Variants in PHACTR3 observed in about 807,000 individuals in gnomAD.
PHACTR3 encodes the protein protein phosphatase 1, regulatory subunit 123.
In PHACTR3, 16 loss-of-function variants were observed where a neutral mutation model predicts 66.8. The observed-to-expected ratio is 0.24, with a 90% CI of 0.16 to 0.36. The LOEUF is 0.36. PHACTR3 is among the 10% of genes least tolerant of loss of function. The pLI is 1.00. For synonymous variants in PHACTR3, 323 were observed against 292.1 expected (o/e 1.11, Z -1.08); for missense variants, 647 against 719.9 (o/e 0.90, Z 1.16).
intron 1 of PHACTR3, among the ~76,000 whole-genome samples, chr20:59,720,117 A>G (rs2038239677): frequency 6.6e-6 from 1 of 152,158 alleles, no homozygotes; most frequent in Non-Finnish European, 1.5e-5. Context: ...AGGAAGGGGC[A>G]CCGTGACCAG....
intron 1 of PHACTR3, among the ~76,000 whole-genome samples, chr20:59,714,065 C>T (rs1006971308): frequency 6.6e-6 from 1 of 151,808 alleles, no homozygotes; most frequent in Non-Finnish European, 1.5e-5. Flanking sequence ...TTATGAAGTA[C>T]CTGTTGAGTT....
intron 1 of PHACTR3, among the ~76,000 whole-genome samples, chr20:59,717,757 G>A (rs192892372): frequency 6.6e-6 from 1 of 152,166 alleles, no homozygotes; most frequent in Non-Finnish European, 1.5e-5. Flanking sequence ...TAAAGGTGTG[G>A]TTTTTTTGAC....
At chr20:59,745,281 CAG>C (rs1491295025) in intron 2 of PHACTR3, among the ~76,000 whole-genome samples, 5 of 152,190 alleles carry the variant, frequency 3.3e-5, no homozygotes, top group Admixed American at 3.3e-4. Flanking sequence ...TCCGTGACCT[CAG>C]GGGGGTCTCT....
At chr20:59,629,246 G>A (rs1005219737) in intron 1 of PHACTR3, among the ~76,000 whole-genome samples, 1 of 152,190 alleles carries the variant, frequency 6.6e-6, no homozygotes, top group African/African-American at 2.4e-5. Flanking sequence ...CCAGTGGCAG[G>A]GGCAGCCTCC....
intron 1 of PHACTR3, among the ~76,000 whole-genome samples, chr20:59,698,492 A>C (rs974792749): frequency 6.6e-6 from 1 of 152,208 alleles, no homozygotes; most frequent in African/African-American, 2.4e-5. Flanking sequence ...ATAGTTATAC[A>C]TATAAACACA....
chr20:59,673,435 G>A lies in PHACTR3; in HGVS notation c.118+68303G>A, dbSNP rs909085814. Among the ~76,000 whole-genome samples the A allele has an allele frequency of 3.3e-5, 5 of 152,364 alleles. No homozygotes were observed. The East Asian group carries it at 9.7e-4, about 29-fold the overall frequency. On this transcript the variant is annotated intron_variant, in intron 1 of 12. Coordinates refer to ENST00000371015, the MANE Select transcript of PHACTR3 (RefSeq NM_080672.5). The stretch of plus-strand genomic sequence containing the variant: ...GCCGAGCAATGTGGCGCTAAGCGGG[G>A]TGTCTGCGGTTCGCCCCGCCCAGGT...
chr20:59,725,946 G>A (rs899624553), intron 1 of PHACTR3, among the ~76,000 whole-genome samples: 21 of 152,276 alleles, frequency 1.4e-4, no homozygotes, highest in African/African-American at 4.6e-4. Flanking sequence ...AGCACTGACA[G>A]TATCCGCTTG....
At chr20:59,647,608 C>G (rs2035325296) in intron 1 of PHACTR3, among the ~76,000 whole-genome samples, 1 of 152,126 alleles carries the variant, frequency 6.6e-6, no homozygotes, top group Non-Finnish European at 1.5e-5. Flanking sequence ...GATCCCTTTC[C>G]ATCTCTTTCC....
At chr20:59,583,019 G>A (rs1039700129) in intron 1 of PHACTR3, among the ~76,000 whole-genome samples, 2 of 152,070 alleles carry the variant, frequency 1.3e-5, no homozygotes, top group African/African-American at 2.4e-5. Flanking sequence ...TGGCAGGGAG[G>A]GTCCTGGTTT....
At chr20:59,795,892 A>T (rs1050370193) in intron 7 of PHACTR3, among the ~76,000 whole-genome samples, 1 of 152,074 alleles carries the variant, frequency 6.6e-6, no homozygotes, top group African/African-American at 2.4e-5. Flanking sequence ...GGCAGCATAC[A>T]ATTAGGTCTT....
intron 4 of PHACTR3, 48 bp from the exon 5 acceptor site, chr20:59,767,138 C>A: frequency 6.3e-7 from 1 of 1,581,204 alleles, no homozygotes; most frequent in Non-Finnish European, 8.7e-7. Flanking sequence ...ACTTCCACTG[C>A]TGTCAGAGGA....
chr20:59,777,095 G>A (rs937658647), intron 7 of PHACTR3, among the ~76,000 whole-genome samples: 9 of 152,174 alleles, frequency 5.9e-5, no homozygotes, highest in Admixed American at 1.3e-4. Flanking sequence ...TTCTCTTCCA[G>A]TTTCTGGTGG....
chr20:59,701,429 T>C (rs1026967796), intron 1 of PHACTR3, among the ~76,000 whole-genome samples: 20 of 152,202 alleles, frequency 1.3e-4, no homozygotes, highest in Admixed American at 8.5e-4. Context: ...GCTGCCTCTT[T>C]GGCTACCATC....
chr20:59,774,164 T>C lies in PHACTR3; in HGVS notation c.927-79T>C, dbSNP rs1601324270. 5 of 1,505,966 alleles carry C rather than the reference T, an allele frequency of 3.3e-6. No homozygotes were observed. In the East Asian group the frequency reaches 1.1e-4, roughly 34 times the overall value. The allele number at this position is 1,505,966 out of a possible 1,614,324, so 93.3% of individuals were successfully genotyped here. On this transcript the variant is annotated intron_variant, in intron 6 of 12. Transcript: ENST00000371015. ...TTTGGGGCTGCCTCTGTGATATTCA[T>C]TATAAGCTCCAAAGTCAATCGTGCT... is the stretch of plus-strand genomic sequence containing the variant.
intron 1 of PHACTR3, among the ~76,000 whole-genome samples, chr20:59,671,704 C>T (rs189791472): frequency 4.1e-4 from 62 of 152,344 alleles, no homozygotes; most frequent in Non-Finnish European, 6.9e-4. Context: ...TGGCTGTCTC[C>T]GGGGCCTGCA....
At chr20:59,622,135 T>C (rs2034264314) in intron 1 of PHACTR3, among the ~76,000 whole-genome samples, 2 of 151,276 alleles carry the variant, frequency 1.3e-5, no homozygotes, top group Admixed American at 1.3e-4. Flanking sequence ...CACGTGTGGG[T>C]ACTTCCCCTG....
At chr20:59,679,056 G>A (rs908933624) in intron 1 of PHACTR3, among the ~76,000 whole-genome samples, 1 of 152,194 alleles carries the variant, frequency 6.6e-6, no homozygotes, top group African/African-American at 2.4e-5. Context: ...TGGAGATCAC[G>A]GCAGAGGGTT....
intron 8 of PHACTR3, among the ~76,000 whole-genome samples, chr20:59,831,629 G>T (rs554204774): frequency 1.3e-5 from 2 of 152,078 alleles, no homozygotes; most frequent in Admixed American, 6.5e-5. Context: ...CACCTACCCC[G>T]CCCCACCCCT....
At chr20:59,801,628 T>A (rs2041415677) in intron 7 of PHACTR3, among the ~76,000 whole-genome samples, 1 of 152,244 alleles carries the variant, frequency 6.6e-6, no homozygotes, top group African/African-American at 2.4e-5. Context: ...CTCATGTGGC[T>A]TATTTGTTCC....
Sources: gnomAD v4.1 joint callset for allele counts (sites outside exome capture counted in the v4.1 genomes callset) on GRCh38, gnomAD v4.1.1 for gene constraint, MANE v1.5 for transcripts, NCBI Gene and HGNC (gene_info 2026-07-23, HGNC 2026-07-21) for gene names.